Variants in ATAD1 observed in about 807,000 individuals in gnomAD.
The protein encoded by ATAD1 is ATPase family AAA domain containing 1, also known as outer mitochondrial transmembrane helix translocase.
A neutral mutation model predicts 42.7 loss-of-function variants in ATAD1; 18 were observed. The observed-to-expected ratio is 0.42, with a 90% CI of 0.29 to 0.63. The LOEUF (loss-of-function observed/expected upper bound fraction) is 0.63, where lower values mean the gene tolerates loss of function less well. ATAD1 is among the 20% of genes least tolerant of loss of function. ATAD1 has a pLI of 0.19. For synonymous variants in ATAD1, 132 were observed against 143.1 expected (o/e 0.92, Z 0.55); for missense variants, 294 against 440.4 (o/e 0.67, Z 2.98).
intron 2 of ATAD1, among the ~76,000 whole-genome samples, chr10:87,801,956 T>C (rs1445014275): frequency 6.6e-6 from 1 of 152,244 alleles, no homozygotes; most frequent in Non-Finnish European, 1.5e-5. Flanking sequence ...ATGTTGCTGA[T>C]CCTTTGTTTT....
intron 8 of ATAD1, among the ~76,000 whole-genome samples, chr10:87,765,186 G>A (rs894343410): frequency 4.6e-5 from 7 of 152,028 alleles, no homozygotes; most frequent in Non-Finnish European, 1.0e-4. Flanking sequence ...TGGGGTTTCT[G>A]GTAGTTCAAG....
chr10:87,757,347 T>G (rs1200759911), intron 8 of ATAD1, among the ~76,000 whole-genome samples: 2 of 151,764 alleles, frequency 1.3e-5, no homozygotes, highest in African/African-American at 4.8e-5. Context: ...TCAACATGAA[T>G]TTAGCACCTA....
chr10:87,793,115 CAA>C (rs1463285815), intron 2 of ATAD1, among the ~76,000 whole-genome samples: 37 of 152,136 alleles, frequency 2.4e-4, no homozygotes, highest in Non-Finnish European at 7.3e-5. Context: ...GGTGAAATCT[CAA>C]GAGGAAAGAC....
chr10:87,798,642 G>T (rs1166491678), intron 2 of ATAD1, among the ~76,000 whole-genome samples: 1 of 150,574 alleles, frequency 6.6e-6, no homozygotes, highest in African/African-American at 2.5e-5. Flanking sequence ...GTGTGTGTGT[G>T]TGTGTGTGTG....
chr10:87,809,011 T>C (rs750227314), intron 2 of ATAD1, among the ~76,000 whole-genome samples: 2 of 152,244 alleles, frequency 1.3e-5, no homozygotes, highest in Non-Finnish European at 2.9e-5. Flanking sequence ...TATAAAGTTC[T>C]ATGGGCCTGA....
At chr10:87,818,366 G>T, upstream of ATAD1, 1 of 570,256 alleles carries the variant, frequency 1.8e-6, no homozygotes, top group Non-Finnish European at 2.2e-6. Flanking sequence ...CGCACCTGAT[G>T]TCTGCTTAAG....
intron 1 of ATAD1, among the ~76,000 whole-genome samples, chr10:87,834,665 G>C (rs192647899): frequency 6.6e-6 from 1 of 151,794 alleles, no homozygotes; most frequent in Admixed American, 6.6e-5. Flanking sequence ...TCTTTTCTTC[G>C]TAATCTTGCA....
intron 2 of ATAD1, among the ~76,000 whole-genome samples, chr10:87,801,430 A>G (rs1321529591): frequency 6.6e-6 from 1 of 152,212 alleles, no homozygotes; most frequent in Admixed American, 6.5e-5. Context: ...ATTACACAGG[A>G]AACATTGTCA....
intron 2 of ATAD1, among the ~76,000 whole-genome samples, chr10:87,804,862 C>G (rs2132019205): frequency 6.6e-6 from 1 of 152,234 alleles, no homozygotes; most frequent in South Asian, 2.1e-4. Flanking sequence ...GCAGTATGTG[C>G]CCAGAAAAAT....
intron 8 of ATAD1, among the ~76,000 whole-genome samples, chr10:87,760,734 T>G (rs1854445375): frequency 6.6e-6 from 1 of 152,094 alleles, no homozygotes; most frequent in Non-Finnish European, 1.5e-5. Flanking sequence ...TCAGCTAGAA[T>G]GTAGGAGACT....
chr10:87,831,240 G>A (rs757173170), intron 1 of ATAD1, among the ~76,000 whole-genome samples: 2 of 151,944 alleles, frequency 1.3e-5, no homozygotes, highest in Non-Finnish European at 2.9e-5. Flanking sequence ...AGTGGTCATT[G>A]AACTTATTTA....
chr10:87,752,875 AAAAG>A lies in ATAD1; in HGVS notation c.*1808_*1811del, dbSNP rs1157517300. The A allele has an allele frequency of 9.2e-5, 14 of 152,152 alleles. No individual in the cohort carries two copies. The highest frequency in any genetic ancestry group is 1.8e-4 in the Non-Finnish European group (12 of 68,006). 9.4% of individuals were successfully genotyped at this position (152,152 alleles called of 1,614,324 possible). On this transcript the variant is annotated 3_prime_UTR_variant, in exon 10 of 10. Coordinates refer to ENST00000680024, the MANE Select transcript of ATAD1 (RefSeq NM_001321967.2). Reference sequence around the variant, plus strand: ...GATATTGTGAATTTAAGAGAAGACAAAAAGAAAGGACATGTGGAGGTATACATTA... The same window carrying A: ...GATATTGTGAATTTAAGAGAAGACAAAAAGGACATGTGGAGGTATACATTA...
intron 4 of ATAD1, among the ~76,000 whole-genome samples, chr10:87,786,896 A>T (rs1424520254): frequency 6.6e-6 from 1 of 152,048 alleles, no homozygotes; most frequent in East Asian, 1.9e-4. Flanking sequence ...CAGAGGTTGC[A>T]GTGAGCCGAG....
intron 7 of ATAD1, among the ~76,000 whole-genome samples, chr10:87,770,094 T>A (rs1450440958): frequency 6.6e-6 from 1 of 152,190 alleles, no homozygotes; most frequent in East Asian, 1.9e-4. Flanking sequence ...AAAGAGTTGA[T>A]CAGAGTAATT....
intron 7 of ATAD1, among the ~76,000 whole-genome samples, chr10:87,768,575 A>G (rs1854876638): frequency 6.6e-6 from 1 of 152,110 alleles, no homozygotes; most frequent in East Asian, 1.9e-4. Flanking sequence ...ATTACATAAG[A>G]AAAAAAACTA....
At chr10:87,818,276 C>T (rs1344812888), upstream of ATAD1, 7 of 984,922 alleles carry the variant, frequency 7.1e-6, no homozygotes, top group African/African-American at 1.0e-4. Context: ...CTCCCTCCCA[C>T]GGAGCATGCG....
At chr10:87,779,934 C>T (rs1011033388) in intron 5 of ATAD1, among the ~76,000 whole-genome samples, 1 of 152,180 alleles carries the variant, frequency 6.6e-6, no homozygotes, top group African/African-American at 2.4e-5. Flanking sequence ...CAAAACTAAA[C>T]ACTGTTTTAC....
intron 1 of ATAD1, among the ~76,000 whole-genome samples, chr10:87,832,630 A>T (rs1419145597): frequency 6.6e-6 from 1 of 151,926 alleles, no homozygotes. Context: ...TTTTAGAATA[A>T]ACTTGCTATA....
At chr10:87,839,204 G>T (rs1857985219) in intron 1 of ATAD1, among the ~76,000 whole-genome samples, 1 of 152,028 alleles carries the variant, frequency 6.6e-6, no homozygotes, top group Non-Finnish European at 1.5e-5. Flanking sequence ...TGTCTTTTTT[G>T]AATTAATTTA....
Sources: gnomAD v4.1 joint callset for allele counts (sites outside exome capture counted in the v4.1 genomes callset) on GRCh38, gnomAD v4.1.1 for gene constraint, MANE v1.5 for transcripts, NCBI Gene and HGNC (gene_info 2026-07-23, HGNC 2026-07-21) for gene names.